CNNM1: variants seen among roughly 807,000 people sequenced by gnomAD.
CNNM1 encodes the protein metal transporter CNNM1.
A neutral mutation model predicts 78.8 loss-of-function variants in CNNM1; 44 were observed. That is an observed-to-expected ratio of 0.56 (90% CI 0.44 to 0.72). CNNM1 has a LOEUF of 0.72. Among genes scored for constraint, CNNM1 ranks in the 30% least tolerant of loss-of-function variants. CNNM1 has a pLI of 0.00. For synonymous variants in CNNM1, 584 were observed against 581.5 expected, an observed-to-expected ratio of 1.00 and a Z score of -0.06; for missense variants, 1,101 against 1,292.2, an observed-to-expected ratio of 0.85 and a Z score of 2.27.
intron 9 of CNNM1, among the ~76,000 whole-genome samples, chr10:99,388,671 T>A (rs1460486155): frequency 6.6e-6 from 1 of 152,232 alleles, no homozygotes; most frequent in Non-Finnish European, 1.5e-5. Flanking sequence ...TTATGACAGC[T>A]ATCTTATAAA....
chr10:99,340,959 G>A (rs906097898), intron 1 of CNNM1, among the ~76,000 whole-genome samples: 3 of 150,326 alleles, frequency 2.0e-5, no homozygotes, highest in African/African-American at 7.4e-5. Flanking sequence ...CACTGGAGAT[G>A]CAGTGTGGAC....
At chr10:99,344,658 C>T (rs2030605747) in intron 1 of CNNM1, among the ~76,000 whole-genome samples, 1 of 151,908 alleles carries the variant, frequency 6.6e-6, no homozygotes, top group African/African-American at 2.4e-5. Flanking sequence ...ATTCAGTTTC[C>T]TCCCCCATCA....
intron 1 of CNNM1, among the ~76,000 whole-genome samples, chr10:99,355,157 A>T (rs1046997522): frequency 6.6e-6 from 1 of 151,638 alleles, no homozygotes; most frequent in African/African-American, 2.4e-5. Flanking sequence ...TTTTTTAGCA[A>T]TGGCCAAGCA....
chr10:99,357,975 C>G (rs768014152), intron 2 of CNNM1, among the ~76,000 whole-genome samples: 5 of 152,172 alleles, frequency 3.3e-5, no homozygotes, highest in Non-Finnish European at 7.3e-5. Flanking sequence ...TGCCCAGAGG[C>G]CTCTCTGCCC....
chr10:99,381,673 C>T (rs1277805350), intron 7 of CNNM1, among the ~76,000 whole-genome samples: 7 of 150,758 alleles, frequency 4.6e-5, no homozygotes, highest in African/African-American at 7.3e-5. Flanking sequence ...ACCCAGGAGG[C>T]GGAGGTTGCG....
chr10:99,333,139 T>G (rs555591052), intron 1 of CNNM1, among the ~76,000 whole-genome samples: 14 of 152,288 alleles, frequency 9.2e-5, no homozygotes, highest in Admixed American at 7.9e-4. Context: ...CCCTGGTGTC[T>G]CCTTGTGTGT....
At chr10:99,348,701 G>A (rs1410701022) in intron 1 of CNNM1, among the ~76,000 whole-genome samples, 3 of 152,322 alleles carry the variant, frequency 2.0e-5, no homozygotes, top group African/African-American at 7.2e-5. Flanking sequence ...ATTTGGGTAA[G>A]TGATTTTGAC....
intron 7 of CNNM1, among the ~76,000 whole-genome samples, chr10:99,385,446 CT>C (rs2032279337): frequency 6.6e-6 from 1 of 152,346 alleles, no homozygotes; most frequent in Admixed American, 6.5e-5. Context: ...TCCAGTCACA[CT>C]GACTTTGGGG....
Position 99,377,074 on chromosome 10 carries a change from C to G in CNNM1, c.2196C>G (p.Arg732=), listed in dbSNP as rs1177322182. ...CTGCAGTAAACCGGTCCCCTTCTCG[C>G]TGCAGTGGGTTGAATCGCTCTGAGT... ...SSVFLNRSPS[R]CSGLNRSESP... The change falls in exon 7 of 11, where the codon CGC becomes CGG. Residue 732 remains arginine, a synonymous_variant. Transcript: ENST00000356713. 6.4e-7 allele frequency: 1 copy of G among 1,572,460 alleles called. No individual in the cohort carries two copies. The highest frequency in any genetic ancestry group is 1.9e-5 in the Admixed American group (1 of 52,742).
chr10:99,381,755 C>T (rs944524568), intron 7 of CNNM1, among the ~76,000 whole-genome samples: 1 of 147,326 alleles, frequency 6.8e-6, no homozygotes, highest in Non-Finnish European at 1.5e-5. Flanking sequence ...AAAAAAAAAA[C>T]CAAAAAACAA....
Position 99,372,271 on chromosome 10 carries a change from G to A in CNNM1, c.2177-4784G>A, listed in dbSNP as rs576613633. ...CCCCACCCAAACCTCAGCAATCCAA[G>A]TAGCCAACCCAGGACAGATATCTGT... On this transcript the variant is annotated intron_variant, in intron 6 of 10. Coordinates refer to ENST00000356713, the MANE Select transcript of CNNM1 (RefSeq NM_020348.3). 2.0e-4 allele frequency among the ~76,000 whole-genome samples: 31 copies of A among 152,210 alleles called. No homozygotes were observed. In the South Asian group the frequency reaches 6.4e-3, roughly 32 times the overall value.
intron 1 of CNNM1, among the ~76,000 whole-genome samples, chr10:99,352,749 G>C (rs1453602627): frequency 6.6e-6 from 1 of 150,564 alleles, no homozygotes; most frequent in Non-Finnish European, 1.5e-5. Context: ...ATATATTCTG[G>C]ATATAAGTCT....
At chr10:99,353,736 C>T (rs1470551382) in intron 1 of CNNM1, among the ~76,000 whole-genome samples, 1 of 152,200 alleles carries the variant, frequency 6.6e-6, no homozygotes, top group Non-Finnish European at 1.5e-5. Context: ...GAAATGGCTT[C>T]CTTCATTTGT....
At chr10:99,348,416 C>T (rs183904919) in intron 1 of CNNM1, among the ~76,000 whole-genome samples, 135 of 152,182 alleles carry the variant, frequency 8.9e-4, no homozygotes, top group Non-Finnish European at 1.6e-3. Flanking sequence ...TGTAAGCTGC[C>T]GGAGGAAAAT....
intron 9 of CNNM1, 51 bp from the exon 10 acceptor site, chr10:99,390,255 G>A (rs2032433787): frequency 2.3e-6 from 3 of 1,297,112 alleles, no homozygotes; most frequent in African/African-American, 2.9e-5. Context: ...CTCTCTTGAT[G>A]CCTGAGTGTG....
At chr10:99,372,444 T>A (rs962811089) in intron 6 of CNNM1, among the ~76,000 whole-genome samples, 1 of 152,220 alleles carries the variant, frequency 6.6e-6, no homozygotes, top group Non-Finnish European at 1.5e-5. Flanking sequence ...GGTTGGTTGC[T>A]TGGCCTGCTG....
At chr10:99,363,740 C>CT (rs869281521) in intron 4 of CNNM1, among the ~76,000 whole-genome samples, 2,156 of 121,846 alleles carry the variant, frequency 0.018, 52 homozygotes, top group African/African-American at 0.037. Flanking sequence ...TAGATTTTAT[C>CT]TTTTTTTTTT....
At chr10:99,345,197 A>G (rs180951328) in intron 1 of CNNM1, among the ~76,000 whole-genome samples, 1 of 152,348 alleles carries the variant, frequency 6.6e-6, no homozygotes, top group Non-Finnish European at 1.5e-5. Flanking sequence ...TATGAAGACC[A>G]GAGGTAACAT....
In CNNM1 at chr10:99,377,047, A is replaced by T. The variant is rs1457139349; in HGVS notation, c.2177-8A>T. On this transcript the variant is annotated splice_region_variant and splice_polypyrimidine_tract_variant and intron_variant, in intron 6 of 10. Coordinates refer to ENST00000356713, the MANE Select transcript of CNNM1 (RefSeq NM_020348.3). The stretch of plus-strand genomic sequence containing the variant: ...CCTTGTCTTTTCTCCATCTCTCACC[A>T]TCTGCAGTAAACCGGTCCCCTTCTC... 1.3e-6 allele frequency: 2 copies of T among 1,499,710 alleles called. No individual in the cohort carries two copies. Among genetic ancestry groups the T allele is most frequent in the Non-Finnish European group, 1.8e-6 (2 of 1,118,200 alleles). The allele number at this position is 1,499,710 out of a possible 1,614,324, so 92.9% of individuals were successfully genotyped here.
Sources: gnomAD v4.1 joint callset for allele counts (sites outside exome capture counted in the v4.1 genomes callset) on GRCh38, gnomAD v4.1.1 for gene constraint, MANE v1.5 for transcripts, NCBI Gene and HGNC (gene_info 2026-07-23, HGNC 2026-07-21) for gene names.